The following NCAM1 variants were observed in gnomAD, a reference collection of about 807,000 sequenced individuals.
NCAM1 encodes the protein neural cell adhesion molecule 1, also known as antigen recognized by monoclonal antibody 5.1H11.
In NCAM1, 14 loss-of-function variants were observed where a neutral mutation model predicts 109.8. That is an observed-to-expected ratio of 0.13 (90% CI 0.08 to 0.20). NCAM1 has a LOEUF of 0.20. Ranked by LOEUF, NCAM1 falls within the 10% of genes least tolerant of loss-of-function variation. The pLI is 1.00. For synonymous variants in NCAM1, 418 were observed against 442.9 expected (o/e 0.94, Z 0.70); for missense variants, 774 against 1,109.9 (o/e 0.70, Z 4.30).
chr11:113,224,129 C>T (rs1039306046), intron 9 of NCAM1, among the ~76,000 whole-genome samples: 8 of 152,286 alleles, frequency 5.3e-5, no homozygotes, highest in Non-Finnish European at 8.8e-5. Context: ...CGAAGCAGGG[C>T]GAGGCATCAC....
chr11:113,204,331 A>G lies in NCAM1; in HGVS notation c.173A>G (p.Asn58Ser), dbSNP rs564268734. 1.2e-4 allele frequency: 199 copies of G among 1,613,846 alleles called. No homozygotes were observed. The highest frequency in any genetic ancestry group is 2.0e-4 in the South Asian group (18 of 91,022). Residue 58 changes from asparagine to serine, a missense_variant, in exon 3 of 20, where the codon AAT becomes AGT. Physicochemically the swap from Asn to Ser is conservative, Grantham distance 46. This residue lies in a region of NCAM1 where 112 missense variants were observed against 142.0 expected (regional missense o/e 0.79). Coordinates refer to ENST00000316851, the MANE Select transcript of NCAM1 (RefSeq NM_181351.5). Reference protein sequence around the residue: ...KDKDISWFSPNGEKLTPNQQR... With the variant: ...KDKDISWFSPSGEKLTPNQQR... ...AAAGACATCTCCTGGTTCTCCCCCA[A>G]TGGAGAAAAGCTCACCCCAAACCAG...
chr11:113,243,872 T>C (rs1555119621), intron 14 of NCAM1: 2 of 191,390 alleles, frequency 1.0e-5, no homozygotes, highest in Admixed American at 1.1e-4. Context: ...TTCCTGGTTC[T>C]GTGTGTTGCA....
intron 1 of NCAM1, among the ~76,000 whole-genome samples, chr11:113,047,943 G>T (rs773018989): frequency 6.6e-6 from 1 of 152,112 alleles, no homozygotes; most frequent in Admixed American, 6.5e-5. Context: ...TGAGATTTGA[G>T]TGGGGACATA....
intron 1 of NCAM1, among the ~76,000 whole-genome samples, chr11:113,081,263 G>A (rs1428366531): frequency 2.8e-5 from 1 of 35,322 alleles, no homozygotes; most frequent in Admixed American, 2.6e-4. Flanking sequence ...ATGGCAGGAC[G>A]GGGGTCCCGT....
At chr11:113,259,255 T>G (rs1945915701) in intron 16 of NCAM1, among the ~76,000 whole-genome samples, 2 of 151,582 alleles carry the variant, frequency 1.3e-5, no homozygotes, top group South Asian at 4.2e-4. Flanking sequence ...GTTTCACCGT[T>G]TTAGCCGGGA....
chr11:113,084,585 G>A (rs1938993687), intron 1 of NCAM1, among the ~76,000 whole-genome samples: 1 of 152,188 alleles, frequency 6.6e-6, no homozygotes, highest in Admixed American at 6.5e-5. Context: ...TCTTACCGTG[G>A]ATGGGTTCTT....
At chr11:113,139,585 CG>C (rs1941736906) in intron 1 of NCAM1, among the ~76,000 whole-genome samples, 1 of 152,050 alleles carries the variant, frequency 6.6e-6, no homozygotes. Context: ...CATATTTTCA[CG>C]GCCCTTAATT....
At chr11:113,245,981 C>A (rs1345291365) in intron 14 of NCAM1, 2 of 228,014 alleles carry the variant, frequency 8.8e-6, no homozygotes, top group Non-Finnish European at 1.7e-5. Flanking sequence ...TGGGTCCTGA[C>A]AGCAACACCT....
intron 1 of NCAM1, among the ~76,000 whole-genome samples, chr11:113,109,991 T>C (rs1464638341): frequency 6.6e-6 from 1 of 152,150 alleles, no homozygotes; most frequent in Non-Finnish European, 1.5e-5. Context: ...GAGATATACA[T>C]GAATGTGTGT....
chr11:112,967,712 G>T (rs1159712133), intron 1 of NCAM1, among the ~76,000 whole-genome samples: 2 of 152,134 alleles, frequency 1.3e-5, no homozygotes, highest in African/African-American at 4.8e-5. Flanking sequence ...TTTAAAAAGG[G>T]TATTATGATA....
intron 1 of NCAM1, among the ~76,000 whole-genome samples, chr11:113,016,422 T>G (rs541380213): frequency 1.3e-5 from 2 of 152,354 alleles, no homozygotes; most frequent in African/African-American, 4.8e-5. Context: ...TTTTTTCTGG[T>G]GCTGCTCTCA....
At chr11:113,043,621 C>T (rs1039614375) in intron 1 of NCAM1, among the ~76,000 whole-genome samples, 1 of 152,214 alleles carries the variant, frequency 6.6e-6, no homozygotes, top group Non-Finnish European at 1.5e-5. Flanking sequence ...CAGGCATGAG[C>T]CACAGTGCCT....
chr11:113,004,021 A>T lies in NCAM1; in HGVS notation c.52+42357A>T, dbSNP rs377756920. Reference sequence around the variant, plus strand: ...TCTTCGTTGTGAATACGTCAGGGAGAGGAGAAGATGACAAATCATTGTTGC... The same window carrying T: ...TCTTCGTTGTGAATACGTCAGGGAGTGGAGAAGATGACAAATCATTGTTGC... On this transcript the variant is annotated intron_variant, in intron 1 of 19. Transcript: ENST00000316851. 5.2e-3 allele frequency among the ~76,000 whole-genome samples: 788 copies of T among 152,162 alleles called. 2 individuals are homozygous for T. The Middle Eastern group carries it at 0.068, about 13-fold the overall frequency.
intron 1 of NCAM1, among the ~76,000 whole-genome samples, chr11:113,062,465 C>T (rs970761849): frequency 1.3e-5 from 2 of 152,132 alleles, no homozygotes; most frequent in African/African-American, 2.4e-5. Flanking sequence ...ACAAAACCAA[C>T]GTGTTATCTG....
chr11:113,120,417 A>G (rs782770281), intron 1 of NCAM1, among the ~76,000 whole-genome samples: 1 of 152,198 alleles, frequency 6.6e-6, no homozygotes, highest in African/African-American at 2.4e-5. Context: ...TAAACAGCCA[A>G]CAGCCTAGCC....
chr11:113,210,146 G>A (rs1451888232), intron 7 of NCAM1, among the ~76,000 whole-genome samples: 1 of 152,052 alleles, frequency 6.6e-6, no homozygotes, highest in Non-Finnish European at 1.5e-5. Context: ...CTGGAAACAC[G>A]ATCATCACCT....
At chr11:113,270,138 G>A (rs1946233620) in intron 17 of NCAM1, 50 bp from the exon 18 acceptor site, 1 of 1,582,742 alleles carries the variant, frequency 6.3e-7, no homozygotes, top group African/African-American at 1.3e-5. Flanking sequence ...AGGGTCTGGA[G>A]GTCTCGCATC....
At chr11:113,177,036 A>T (rs781834297) in intron 1 of NCAM1, among the ~76,000 whole-genome samples, 4 of 152,058 alleles carry the variant, frequency 2.6e-5, no homozygotes, top group Non-Finnish European at 4.4e-5. Context: ...TCTTCTCCAA[A>T]CTCCTCCATA....
At chr11:113,216,927 G>A (rs1555114476) in intron 8 of NCAM1, among the ~76,000 whole-genome samples, 1 of 152,196 alleles carries the variant, frequency 6.6e-6, no homozygotes, top group Non-Finnish European at 1.5e-5. Context: ...TACTTTGGCA[G>A]CCTCTCCTCA....
Sources: gnomAD v4.1 joint callset for allele counts (sites outside exome capture counted in the v4.1 genomes callset) on GRCh38, gnomAD v4.1.1 for gene constraint, gnomAD v4.1.1 regional missense constraint, MANE v1.5 for transcripts, NCBI Gene and HGNC (gene_info 2026-07-23, HGNC 2026-07-21) for gene names.